The following TDRD5 variants were observed in gnomAD, a reference collection of about 807,000 sequenced individuals.
TDRD5 encodes the protein tudor domain containing 5, also known as tudor domain-containing protein 5.
A neutral mutation model predicts 120.6 loss-of-function variants in TDRD5; 41 were observed. That is an observed-to-expected ratio of 0.34 (90% CI 0.26 to 0.44). The LOEUF (loss-of-function observed/expected upper bound fraction) is 0.44, where lower values mean the gene tolerates loss of function less well. Ranked by LOEUF, TDRD5 falls within the 20% of genes least tolerant of loss-of-function variation. The pLI, the probability that TDRD5 is intolerant of heterozygous loss-of-function variation, is 1.00. For synonymous variants in TDRD5, 430 were observed against 433.7 expected (o/e 0.99, Z 0.11); for missense variants, 1,006 against 1,221.2 (o/e 0.82, Z 2.63).
chr1:179,668,125 G>A (rs544715467), intron 16 of TDRD5, among the ~76,000 whole-genome samples: 39 of 152,314 alleles, frequency 2.6e-4, no homozygotes, highest in African/African-American at 8.4e-4. Flanking sequence ...CTTCAGCAAT[G>A]ACTATATGGT....
rs1483459902 is a variant in TDRD5, at chr1:179,652,109, C to T, written c.2072C>T (p.Thr691Ile). 1 of 1,613,842 alleles carries T rather than the reference C, an allele frequency of 6.2e-7. No homozygotes were observed. The highest frequency in any genetic ancestry group is 1.1e-5 in the South Asian group (1 of 91,076). The change falls in exon 13 of 18, where the codon ACA (threonine) becomes ATA (isoleucine). Residue 691 changes from threonine (T) to isoleucine (I), a missense_variant. Coordinates refer to ENST00000444136, the MANE Select transcript of TDRD5 (RefSeq NM_001199085.3). Reference protein sequence around the residue: ...SSGGPEDIVLTELGYPSQQHY... With the variant: ...SSGGPEDIVLIELGYPSQQHY... Reference sequence around the variant, plus strand: ...GGAGGGCCAGAGGACATTGTCTTGACAGAACTGGGTTATCCTTCCCAGCAG... The same window carrying T: ...GGAGGGCCAGAGGACATTGTCTTGATAGAACTGGGTTATCCTTCCCAGCAG...
rs1675367829 is a variant in TDRD5 at position 179,595,893 on chromosome 1, G to A, written c.831+75G>A. ...GTGGTGTTAACACTTTGATCTGATG[G>A]AAAAGTTGACCTTTTAAAAACTGAA... On this transcript the variant is annotated intron_variant, in intron 4 of 17. Coordinates refer to ENST00000444136, the MANE Select transcript of TDRD5 (RefSeq NM_001199085.3). 2.9e-6 allele frequency: 4 copies of A among 1,396,854 alleles called. No homozygotes were observed. In the Admixed American group the frequency reaches 8.1e-5, roughly 28 times the overall value. 86.5% of individuals were successfully genotyped at this position (1,396,854 alleles called of 1,614,324 possible). A position where few individuals can be genotyped will look rare whatever the true frequency, so the allele number is the denominator to read the frequency against.
intron 7 of TDRD5, among the ~76,000 whole-genome samples, chr1:179,633,150 T>C (rs1572374261): frequency 6.6e-6 from 1 of 152,312 alleles, no homozygotes; most frequent in East Asian, 1.9e-4. Flanking sequence ...TGTTTTTTCA[T>C]ATTAGTACAA....
chr1:179,682,988 A>G (rs1405483504), intron 17 of TDRD5, among the ~76,000 whole-genome samples: 1 of 151,668 alleles, frequency 6.6e-6, no homozygotes, highest in African/African-American at 2.4e-5. Flanking sequence ...CCAAGATTCA[A>G]GGAGACCTCT....
chr1:179,676,283 G>T (rs80119480), intron 17 of TDRD5, among the ~76,000 whole-genome samples: 51,246 of 151,972 alleles, frequency 0.34, 8,839 homozygotes, highest in Admixed American at 0.42. Context: ...GCAGAAACTT[G>T]GTTGGTGAAT....
At chr1:179,641,454 C>T (rs898914832) in intron 11 of TDRD5, among the ~76,000 whole-genome samples, 21 of 151,652 alleles carry the variant, frequency 1.4e-4, no homozygotes, top group African/African-American at 4.8e-4. Flanking sequence ...TGCTTGAACC[C>T]GGGAGGCGGA....
chr1:179,667,799 T>C (rs1679632132), intron 16 of TDRD5, among the ~76,000 whole-genome samples: 1 of 152,200 alleles, frequency 6.6e-6, no homozygotes, highest in Non-Finnish European at 1.5e-5. Context: ...AGAAAGGTTA[T>C]ACACACAGGC....
In TDRD5 at chr1:179,687,341, A is replaced by G. The variant is rs1572451360; in HGVS notation, c.2861-3355A>G. Reference sequence around the variant, plus strand: ...GGAGCAAGTTGTTCAGTTTCCATGTAGTTGAGCGGTTTTGAGTGAGTTTCT... The same window carrying G: ...GGAGCAAGTTGTTCAGTTTCCATGTGGTTGAGCGGTTTTGAGTGAGTTTCT... On this transcript the variant is annotated intron_variant, in intron 17 of 17. Transcript: ENST00000444136. Among the ~76,000 whole-genome samples the G allele has an allele frequency of 2.6e-5, 4 of 152,256 alleles. No individual in the cohort carries two copies. In the East Asian group the frequency reaches 5.8e-4, roughly 22 times the overall value.
At chr1:179,662,074 A>C (rs757184390) in intron 14 of TDRD5, 30 bp from the exon 15 acceptor site, 12 of 1,506,296 alleles carry the variant, frequency 8.0e-6, no homozygotes, top group South Asian at 2.8e-5. Flanking sequence ...TATAAATGAT[A>C]GTTTTTCTTT....
At chr1:179,621,144 T>G in intron 6 of TDRD5, 53 bp downstream of exon 6, 1 of 1,514,754 alleles carries the variant, frequency 6.6e-7, no homozygotes, top group Non-Finnish European at 8.9e-7. Flanking sequence ...ATATTTCTTG[T>G]GATAGATGGA....
intron 7 of TDRD5, among the ~76,000 whole-genome samples, chr1:179,634,162 C>G (rs1442480553): frequency 7.1e-6 from 1 of 139,944 alleles, no homozygotes; most frequent in African/African-American, 2.6e-5. Flanking sequence ...TAGAGCAAGA[C>G]TTCATCTCAA....
At chr1:179,612,634 A>G (rs1676341948) in intron 4 of TDRD5, among the ~76,000 whole-genome samples, 1 of 152,248 alleles carries the variant, frequency 6.6e-6, no homozygotes, top group African/African-American at 2.4e-5. Context: ...TCTTAATACC[A>G]TTTAAGAGTA....
At chr1:179,660,548 T>C (rs554418863) in intron 14 of TDRD5, among the ~76,000 whole-genome samples, 3 of 152,332 alleles carry the variant, frequency 2.0e-5, no homozygotes, top group African/African-American at 7.2e-5. Flanking sequence ...ATTACACTTG[T>C]CATTCTTGAC....
chr1:179,690,852 C>T lies in TDRD5; in HGVS notation c.3017C>T (p.Thr1006Ile). ...ISQKLYIPRS[T>I]ATAALGAAAR... is the part of the protein sequence containing the mutation. ...CAGAAGCTCTACATTCCTCGAAGTA[C>T]AGCCACTGCTGCCTTAGGTGCTGCC... The change falls in exon 18 of 18, where the codon ACA becomes ATA. Residue 1006 changes from threonine to isoleucine, a missense_variant. Physicochemically the swap from Thr to Ile is moderately conservative, Grantham distance 89. Coordinates refer to ENST00000444136, the MANE Select transcript of TDRD5 (RefSeq NM_001199085.3). The T allele has an allele frequency of 1.2e-6, 2 of 1,614,192 alleles. No homozygotes were observed. Among genetic ancestry groups the T allele is most frequent in the Non-Finnish European group, 1.7e-6 (2 of 1,180,018 alleles).
chr1:179,633,687 C>T (rs966185097), intron 7 of TDRD5, among the ~76,000 whole-genome samples: 9 of 151,924 alleles, frequency 5.9e-5, no homozygotes, highest in African/African-American at 2.2e-4. Flanking sequence ...TTGTAGTTAT[C>T]ATACACATGT....
intron 16 of TDRD5, 45 bp from the exon 17 acceptor site, chr1:179,669,149 T>C (rs762684938): frequency 9.4e-5 from 146 of 1,546,896 alleles, no homozygotes; most frequent in Non-Finnish European, 8.7e-5. Context: ...ATTATTCTTA[T>C]ACTAACACTT....
chr1:179,652,491 T>G (rs1678776111), intron 13 of TDRD5, among the ~76,000 whole-genome samples: 1 of 152,146 alleles, frequency 6.6e-6, no homozygotes, highest in Admixed American at 6.5e-5. Context: ...TCTTCAGGTA[T>G]TCTCGTTTCT....
In TDRD5 at chr1:179,618,509, A is replaced by G. The variant is rs879108769; in HGVS notation, c.832-90A>G. ...TTAATTGCAATATGTCTCCTTTTAT[A>G]GATTTTTTCTTTACATATTGCTTAG... is the stretch of plus-strand genomic sequence containing the variant. On this transcript the variant is annotated intron_variant, in intron 4 of 17. Coordinates refer to ENST00000444136, the MANE Select transcript of TDRD5 (RefSeq NM_001199085.3). 54 of 840,768 alleles carry G rather than the reference A, an allele frequency of 6.4e-5. No homozygotes were observed. The South Asian group carries it at 1.1e-3, about 18-fold the overall frequency. 52.1% of individuals were successfully genotyped at this position (840,768 alleles called of 1,614,324 possible).
chr1:179,628,336 T>C (rs1242299223), intron 6 of TDRD5, among the ~76,000 whole-genome samples: 1 of 143,882 alleles, frequency 7.0e-6, no homozygotes, highest in Non-Finnish European at 1.5e-5. Context: ...TTTTTTTTTT[T>C]TTTTTTTTTT....
Sources: gnomAD v4.1 joint callset for allele counts (sites outside exome capture counted in the v4.1 genomes callset) on GRCh38, gnomAD v4.1.1 for gene constraint, MANE v1.5 for transcripts, NCBI Gene and HGNC (gene_info 2026-07-23, HGNC 2026-07-21) for gene names.